Variants in RABGAP1L observed in about 807,000 individuals in gnomAD.
RABGAP1L encodes rab GTPase-activating protein 1-like.
Under a neutral mutation model 137.7 loss-of-function variants are expected in RABGAP1L, and 63 were observed. The observed-to-expected ratio is 0.46, with a 90% confidence interval of 0.37 to 0.56. The LOEUF (loss-of-function observed/expected upper bound fraction) is 0.56. RABGAP1L is among the 20% of genes least tolerant of loss of function. The pLI is 0.00. For missense variants in RABGAP1L, 1,095 were observed against 1,244.0 expected (o/e 0.88, Z 1.80); for synonymous variants, 431 against 433.7 (o/e 0.99, Z 0.08).
At chr1:174,723,294 C>T (rs1296750644) in intron 17 of RABGAP1L, among the ~76,000 whole-genome samples, 3 of 152,196 alleles carry the variant, frequency 2.0e-5, no homozygotes, top group East Asian at 1.9e-4. Flanking sequence ...AGGCTGGTCT[C>T]GAACTCCTGA....
At chr1:174,574,042 C>T (rs1174241927) in intron 13 of RABGAP1L, among the ~76,000 whole-genome samples, 1 of 152,206 alleles carries the variant, frequency 6.6e-6, no homozygotes, top group Non-Finnish European at 1.5e-5. Context: ...GATTAACATA[C>T]ACATAAGAGG....
chr1:174,750,350 G>A (rs1040704326), intron 17 of RABGAP1L, among the ~76,000 whole-genome samples: 4 of 69,144 alleles, frequency 5.8e-5, no homozygotes, highest in Admixed American at 1.9e-4. Flanking sequence ...CCTTCCTGTC[G>A]TGATCTGAAC....
chr1:174,209,996 G>A lies in RABGAP1L; in HGVS notation c.-33-9129G>A, dbSNP rs188247866. On this transcript the variant is annotated intron_variant, in intron 1 of 25. Transcript: ENST00000681986. ...TCTCCCAGATCTCTTACGCAAGACC[G>A]TCAAGGTGATACCTTTGTGAGTCTG... 2.0e-4 allele frequency among the ~76,000 whole-genome samples: 31 copies of A among 152,306 alleles called. No individual in the cohort carries two copies. The South Asian group carries it at 2.5e-3, about 12-fold the overall frequency.
At chr1:174,498,989 G>A (rs530176240) in intron 13 of RABGAP1L, among the ~76,000 whole-genome samples, 10 of 151,882 alleles carry the variant, frequency 6.6e-5, no homozygotes, top group Admixed American at 2.0e-4. Flanking sequence ...ATTTTAATAA[G>A]TAGAGTAGGT....
rs188578965 is a variant in RABGAP1L at position 174,803,738 on chromosome 1, C to T, written c.2212-8094C>T. On this transcript the variant is annotated intron_variant, in intron 18 of 25. Coordinates refer to ENST00000681986, the MANE Select transcript of RABGAP1L (RefSeq NM_001366446.1). Reference sequence around the variant, plus strand: ...GGAATAGAAGCATCTGGAGCTAATACTCAAACAGTGGAAATATTTCCACCC... The same window carrying T: ...GGAATAGAAGCATCTGGAGCTAATATTCAAACAGTGGAAATATTTCCACCC... Among the ~76,000 whole-genome samples, 439 of 151,532 alleles carry T rather than the reference C, an allele frequency of 2.9e-3. 2 individuals carry two copies. Among genetic ancestry groups the T allele is most frequent in the African/African-American group, 0.01 (420 of 41,320 alleles).
At chr1:174,498,615 GC>G (rs1434423763) in intron 13 of RABGAP1L, among the ~76,000 whole-genome samples, 1 of 151,562 alleles carries the variant, frequency 6.6e-6, no homozygotes, top group Non-Finnish European at 1.5e-5. Context: ...TCCTGCCTCA[GC>G]TTCCTGAGTA....
intron 1 of RABGAP1L, among the ~76,000 whole-genome samples, chr1:174,199,947 T>C (rs1017030721): frequency 1.3e-5 from 2 of 152,192 alleles, no homozygotes; most frequent in Non-Finnish European, 2.9e-5. Context: ...TGATTACTCA[T>C]AGGAAACAAA....
At chr1:174,833,445 T>TAG (rs1308272258) in intron 19 of RABGAP1L, among the ~76,000 whole-genome samples, 4,019 of 42,908 alleles carry the variant, frequency 0.094, 465 homozygotes, top group Middle Eastern at 0.22. Context: ...TGTGTGTGTG[T>TAG]AGAGATATAT....
At chr1:174,589,189 C>T (rs928620225) in intron 13 of RABGAP1L, among the ~76,000 whole-genome samples, 2 of 152,134 alleles carry the variant, frequency 1.3e-5, no homozygotes, top group African/African-American at 4.8e-5. Context: ...ATTTCCATTT[C>T]TCCAGTGATT....
intron 13 of RABGAP1L, among the ~76,000 whole-genome samples, chr1:174,460,004 C>G (rs1373932549): frequency 6.6e-6 from 1 of 152,048 alleles, no homozygotes; most frequent in Non-Finnish European, 1.5e-5. Flanking sequence ...CTTTTTCAGA[C>G]CAGTCAACGG....
At chr1:174,517,467 A>T (rs1662970408) in intron 13 of RABGAP1L, among the ~76,000 whole-genome samples, 1 of 152,208 alleles carries the variant, frequency 6.6e-6, no homozygotes, top group Admixed American at 6.5e-5. Context: ...TGGAGTGAAC[A>T]AATTATATCA....
chr1:174,329,163 T>A (rs994514843), intron 11 of RABGAP1L, among the ~76,000 whole-genome samples: 1 of 152,018 alleles, frequency 6.6e-6, no homozygotes, highest in African/African-American at 2.4e-5. Context: ...TCATTACAAC[T>A]GATACCCTAG....
chr1:174,168,582 A>G (rs1006279926), intron 1 of RABGAP1L, among the ~76,000 whole-genome samples: 7 of 152,180 alleles, frequency 4.6e-5, no homozygotes, highest in Admixed American at 6.5e-5. Context: ...GCAAAGATCT[A>G]TTACCAAGTT....
Position 174,548,316 on chromosome 1 carries a change from T to C in RABGAP1L, c.1711-89059T>C, listed in dbSNP as rs536498073. ...TGTTTACCCTCTTAATTTATCCATTTGTAAAATGATAGTTTTTGTTTTTAA... is the reference window on the plus strand; with the variant it reads ...TGTTTACCCTCTTAATTTATCCATTCGTAAAATGATAGTTTTTGTTTTTAA... On this transcript the variant is annotated intron_variant, in intron 13 of 25. Transcript: ENST00000681986. The C allele has an allele frequency of 1.3e-5, 16 of 1,216,936 alleles. No individual in the cohort carries two copies. The South Asian group carries it at 3.6e-4, about 27-fold the overall frequency. 75.4% of individuals were successfully genotyped at this position (1,216,936 alleles called of 1,614,324 possible).
At chr1:174,522,266 A>G (rs1663469210) in intron 13 of RABGAP1L, among the ~76,000 whole-genome samples, 1 of 152,180 alleles carries the variant, frequency 6.6e-6, no homozygotes, top group African/African-American at 2.4e-5. Flanking sequence ...GTATAAGGCC[A>G]TTCTTGCATT....
chr1:174,970,302 G>A (rs1371412528), intron 21 of RABGAP1L, among the ~76,000 whole-genome samples: 1 of 152,216 alleles, frequency 6.6e-6, no homozygotes, highest in Non-Finnish European at 1.5e-5. Flanking sequence ...GTTGAGATAA[G>A]TCAGTGCTAT....
chr1:174,542,907 A>T (rs1301769760), intron 13 of RABGAP1L, among the ~76,000 whole-genome samples: 4 of 152,148 alleles, frequency 2.6e-5, no homozygotes, highest in Non-Finnish European at 5.9e-5. Flanking sequence ...AGCAGCTTTG[A>T]GTGAGTTTCT....
At chr1:174,778,135 G>T (rs980055593) in intron 18 of RABGAP1L, among the ~76,000 whole-genome samples, 3 of 152,084 alleles carry the variant, frequency 2.0e-5, no homozygotes, top group Non-Finnish European at 2.9e-5. Context: ...CTCAAAACCA[G>T]TGATAAAGGT....
chr1:174,702,434 A>G (rs1413897128), intron 17 of RABGAP1L, among the ~76,000 whole-genome samples, 178 bp downstream of exon 17: 1 of 150,706 alleles, frequency 6.6e-6, no homozygotes, highest in Admixed American at 6.7e-5. Flanking sequence ...ATTATTTCTG[A>G]GGAATGAAAA....
Sources: allele counts gnomAD v4.1 joint callset (sites outside exome capture counted in the v4.1 genomes callset), GRCh38; gene constraint gnomAD v4.1.1; transcripts MANE v1.5; gene names NCBI Gene and HGNC (gene_info 2026-07-23, HGNC 2026-07-21).